Variants in TRPS1 observed in about 807,000 individuals in gnomAD.
TRPS1 encodes the protein transcriptional repressor GATA binding 1.
Under a neutral mutation model 101.2 loss-of-function variants are expected in TRPS1, and 6 were observed. The observed-to-expected ratio is 0.06, with a 90% CI of 0.03 to 0.12. The LOEUF is 0.12. Among genes scored for constraint, TRPS1 ranks in the 10% least tolerant of loss-of-function variants. The probability of loss-of-function intolerance (pLI) is 1.00; values close to 1 mark genes in which losing one functional copy is unlikely to be tolerated. For missense variants in TRPS1, 1,363 were observed against 1,567.0 expected (o/e 0.87, Z 2.20); for synonymous variants, 578 against 589.8 (o/e 0.98, Z 0.29).
At chr8:115,665,828 C>CTT (rs1811908456) in intron 1 of TRPS1, among the ~76,000 whole-genome samples, 1 of 152,072 alleles carries the variant, frequency 6.6e-6, no homozygotes, top group South Asian at 2.1e-4. Context: ...GAGTGACAAA[C>CTT]TTTGTGTTAG....
At chr8:115,435,930 G>A (rs1318833020) in intron 5 of TRPS1, among the ~76,000 whole-genome samples, 2 of 150,652 alleles carry the variant, frequency 1.3e-5, no homozygotes, top group Admixed American at 6.6e-5. Flanking sequence ...ATGCAAGAAA[G>A]CAGACATGTC....
At position 115,620,026 on chromosome 8, in the gene TRPS1, G is replaced by A. The variant is rs766559077; in HGVS notation, c.72C>T (p.Asn24=). 146 of 1,613,992 alleles carry A rather than the reference G, an allele frequency of 9.0e-5. No homozygotes were observed. Among genetic ancestry groups the A allele is most frequent in the Non-Finnish European group, 1.1e-4 (133 of 1,180,042 alleles). The change falls in exon 3 of 7, where the codon AAC becomes AAT. Residue 24 remains asparagine (N), a synonymous_variant. Coordinates refer to ENST00000395715, the MANE Select transcript of TRPS1 (RefSeq NM_014112.5). ...MVRKKNPPLR[N]VASEGEGQIL... ...TCTGGCCCTCGCCTTCACTTGCAAC[G>A]TTTCTCAGAGGGGGGTTCTTTTTCC...
intron 5 of TRPS1, among the ~76,000 whole-genome samples, chr8:115,492,482 C>T (rs62512997): frequency 9.9e-5 from 14 of 141,378 alleles, no homozygotes; most frequent in South Asian, 4.5e-4. Context: ...TGTGTGTGTG[C>T]GTGCGTGTGC....
At chr8:115,532,549 T>C (rs539826508) in intron 5 of TRPS1, among the ~76,000 whole-genome samples, 14 of 152,220 alleles carry the variant, frequency 9.2e-5, no homozygotes, top group Admixed American at 2.6e-4. Context: ...ATCAGTAAAA[T>C]ATACAGGACA....
chr8:115,414,132 C>T lies in TRPS1; in HGVS notation c.3776G>A (p.Ser1259Asn). 6.2e-7 allele frequency: 1 copy of T among 1,613,962 alleles called. No individual in the cohort carries two copies. The highest frequency in any genetic ancestry group is 8.5e-7 in the Non-Finnish European group (1 of 1,179,928). The change falls in exon 7 of 7, where the codon AGC becomes AAC. Residue 1259 changes from serine to asparagine, a missense_variant. Physicochemically the swap from Ser to Asn is conservative, Grantham distance 46. Transcript: ENST00000395715. The surrounding 1 kb of genome is among the most constrained non-coding windows in gnomAD (Gnocchi z 4.8). Reference sequence around the variant, plus strand: ...GTCCGTGCAAAGATGCTGGCATATGCTGCACTGGAAAGGTCCACTGTCACC... The same window carrying T: ...GTCCGTGCAAAGATGCTGGCATATGTTGCACTGGAAAGGTCCACTGTCACC... The part of the protein sequence containing the change: ...CHGDSGPFQC[S>N]ICQHLCTDKY...
At chr8:115,561,441 T>G (rs1335858425) in intron 5 of TRPS1, among the ~76,000 whole-genome samples, 1 of 151,628 alleles carries the variant, frequency 6.6e-6, no homozygotes, top group African/African-American at 2.4e-5. Context: ...AAAGGTGATA[T>G]TTTGTTCTCT....
chr8:115,449,764 CA>C (rs1326210966), intron 5 of TRPS1, among the ~76,000 whole-genome samples: 1 of 152,134 alleles, frequency 6.6e-6, no homozygotes, highest in Non-Finnish European at 1.5e-5. Context: ...GATTGGTAAA[CA>C]CCAACTAGCT....
At chr8:115,470,511 A>G (rs898570007) in intron 5 of TRPS1, among the ~76,000 whole-genome samples, 5 of 152,208 alleles carry the variant, frequency 3.3e-5, no homozygotes, top group Admixed American at 6.5e-5. Context: ...CAGGAATAAC[A>G]AGTACTTGTG....
chr8:115,583,853 GA>G (rs1817506988), intron 5 of TRPS1, among the ~76,000 whole-genome samples: 1 of 151,820 alleles, frequency 6.6e-6, no homozygotes, highest in Non-Finnish European at 1.5e-5. Context: ...ATACATAAAT[GA>G]TATCATATTG....
chr8:115,524,630 T>C (rs2130241839), intron 5 of TRPS1, among the ~76,000 whole-genome samples: 1 of 152,278 alleles, frequency 6.6e-6, no homozygotes, highest in East Asian at 1.9e-4. Flanking sequence ...TTTCTTCTTA[T>C]TTCTAAGAGT....
chr8:115,583,221 C>T (rs1817489919), intron 5 of TRPS1, among the ~76,000 whole-genome samples: 1 of 151,842 alleles, frequency 6.6e-6, no homozygotes, highest in Non-Finnish European at 1.5e-5. Context: ...ACAGTTGCAT[C>T]TGCATAAATT....
At chr8:115,601,424 C>T (rs1238100791) in intron 4 of TRPS1, among the ~76,000 whole-genome samples, 1 of 152,164 alleles carries the variant, frequency 6.6e-6, no homozygotes, top group Non-Finnish European at 1.5e-5. Flanking sequence ...GCCACTATTA[C>T]TGTTCAGCTT....
chr8:115,549,359 A>G (rs1384375544), intron 5 of TRPS1, among the ~76,000 whole-genome samples: 4 of 152,236 alleles, frequency 2.6e-5, no homozygotes, highest in Non-Finnish European at 5.9e-5. Context: ...GTCAATATCA[A>G]TTATGTTTCC....
At chr8:115,496,459 T>C (rs1458013189) in intron 5 of TRPS1, among the ~76,000 whole-genome samples, 1 of 152,104 alleles carries the variant, frequency 6.6e-6, no homozygotes, top group Non-Finnish European at 1.5e-5. Context: ...TATATCAATA[T>C]AAAAAGACAG....
intron 5 of TRPS1, among the ~76,000 whole-genome samples, chr8:115,578,140 G>A (rs890211394): frequency 4.6e-5 from 7 of 151,948 alleles, no homozygotes; most frequent in East Asian, 3.8e-4. Context: ...ACCTTGTATC[G>A]GACATGTACT....
chr8:115,421,790 C>T (rs753736731), intron 5 of TRPS1, among the ~76,000 whole-genome samples: 1 of 152,164 alleles, frequency 6.6e-6, no homozygotes, highest in Non-Finnish European at 1.5e-5. Flanking sequence ...AAACACCATA[C>T]AGATGCGAGC....
rs1812755030 is a variant in TRPS1, at chr8:115,410,113, TCA to T, written c.*3908_*3909del. 6.6e-6 allele frequency: 1 copy of T among 152,022 alleles called. No homozygotes were observed. Among genetic ancestry groups the T allele is most frequent in the South Asian group, 2.1e-4 (1 of 4,824 alleles). The allele number at this position is 152,022 out of a possible 1,614,324, so 9.4% of individuals were successfully genotyped here. ...TTTATTTACTAAACAGGGCAGCAGTTCACAGGTCTCAAGACCGGTCACTTTGT... is the reference window on the plus strand; with the variant it reads ...TTTATTTACTAAACAGGGCAGCAGTTCAGGTCTCAAGACCGGTCACTTTGT... On this transcript the variant is annotated 3_prime_UTR_variant, in exon 7 of 7. Transcript: ENST00000395715.
At chr8:115,531,865 G>A (rs1816139381) in intron 5 of TRPS1, among the ~76,000 whole-genome samples, 1 of 152,078 alleles carries the variant, frequency 6.6e-6, no homozygotes, top group Admixed American at 6.6e-5. Context: ...TCTGATGGAG[G>A]CGGGTGCTTA....
chr8:115,459,265 A>G (rs1237098991), intron 5 of TRPS1, among the ~76,000 whole-genome samples: 4 of 152,136 alleles, frequency 2.6e-5, no homozygotes. Flanking sequence ...CGGAGCTTGC[A>G]GTGAGCAGAG....
Sources: gnomAD v4.1 joint callset for allele counts (sites outside exome capture counted in the v4.1 genomes callset) on GRCh38, gnomAD v4.1.1 for gene constraint, Gnocchi (gnomAD v3.1) non-coding constraint, MANE v1.5 for transcripts, NCBI Gene and HGNC (gene_info 2026-07-23, HGNC 2026-07-21) for gene names.